The following PLEKHH2 variants were observed in gnomAD, a reference collection of about 807,000 sequenced individuals.
PLEKHH2 encodes pleckstrin homology, MyTH4 and FERM domain containing H2.
A neutral mutation model predicts 187.9 loss-of-function variants in PLEKHH2; 129 were observed. That is an observed-to-expected ratio of 0.69 (90% confidence interval 0.59 to 0.79). PLEKHH2 has a LOEUF of 0.79. PLEKHH2 is among the 30% of genes least tolerant of loss of function. The pLI is 0.00. For missense variants in PLEKHH2, 2,076 were observed against 1,751.2 expected, an observed-to-expected ratio of 1.19 and a Z score of -3.31; for synonymous variants, 686 against 605.6, an observed-to-expected ratio of 1.13 and a Z score of -1.95.
chr2:43,656,537 A>T (rs1211795386), intron 2 of PLEKHH2, among the ~76,000 whole-genome samples: 1 of 122,106 alleles, frequency 8.2e-6, no homozygotes, highest in African/African-American at 3.1e-5. Flanking sequence ...GATCACAGGA[A>T]TAGTCAGAGG....
chr2:43,693,382 C>T (rs976907964), intron 4 of PLEKHH2, among the ~76,000 whole-genome samples: 5 of 152,158 alleles, frequency 3.3e-5, no homozygotes, highest in Non-Finnish European at 7.3e-5. Flanking sequence ...TGATGCCAAT[C>T]CTTCTGCTTA....
At chr2:43,678,752 G>A in intron 2 of PLEKHH2, 111 bp from the exon 3 acceptor site, 1 of 695,206 alleles carries the variant, frequency 1.4e-6, no homozygotes, top group Non-Finnish European at 2.5e-6. Context: ...AGGTGGAGGT[G>A]GAGGTGGAGG....
At chr2:43,682,495 T>C (rs748589455) in intron 3 of PLEKHH2, among the ~76,000 whole-genome samples, 6 of 152,056 alleles carry the variant, frequency 3.9e-5, no homozygotes, top group African/African-American at 1.2e-4. Context: ...TTTAGAGAGA[T>C]GGGGTTTCAC....
At chr2:43,669,557 A>C (rs1211404440) in intron 2 of PLEKHH2, among the ~76,000 whole-genome samples, 1 of 152,260 alleles carries the variant, frequency 6.6e-6, no homozygotes, top group Non-Finnish European at 1.5e-5. Flanking sequence ...AATCATAATT[A>C]GAAAAAAATC....
chr2:43,721,047 T>C (rs1670454520), intron 16 of PLEKHH2, among the ~76,000 whole-genome samples: 1 of 152,162 alleles, frequency 6.6e-6, no homozygotes, highest in Non-Finnish European at 1.5e-5. Context: ...TCCCAGGTTC[T>C]TACAGACCAG....
intron 3 of PLEKHH2, among the ~76,000 whole-genome samples, chr2:43,687,204 A>G (rs1468618913): frequency 6.6e-6 from 1 of 152,050 alleles, no homozygotes; most frequent in Admixed American, 6.6e-5. Context: ...GCCCTTGTGT[A>G]TTTAATGTTT....
intron 17 of PLEKHH2, 113 bp from the exon 18 acceptor site, chr2:43,729,524 T>C (rs1208381791): frequency 8.4e-6 from 5 of 591,942 alleles, no homozygotes; most frequent in African/African-American, 7.6e-5. Flanking sequence ...ATTTAAAAAT[T>C]AAAGCAAGTG....
chr2:43,675,849 T>C, intron 2 of PLEKHH2: 2 of 1,614,066 alleles, frequency 1.2e-6, no homozygotes, highest in Non-Finnish European at 1.7e-6. Context: ...ATGCATCCCT[T>C]GTAAACAAAA....
chr2:43,643,363 C>T (rs142473162), intron 1 of PLEKHH2, among the ~76,000 whole-genome samples: 1 of 151,928 alleles, frequency 6.6e-6, no homozygotes, highest in East Asian at 1.9e-4. Flanking sequence ...CTGGGGTGCA[C>T]TTAATAAATG....
chr2:43,686,948 A>G (rs1668548881), intron 3 of PLEKHH2, among the ~76,000 whole-genome samples: 1 of 149,082 alleles, frequency 6.7e-6, no homozygotes, highest in Non-Finnish European at 1.5e-5. Flanking sequence ...ACAGCCTTAT[A>G]TCTGGCCATG....
At chr2:43,711,905 A>G (rs1669985739) in intron 14 of PLEKHH2, 1 of 1,001,356 alleles carries the variant, frequency 1.0e-6, no homozygotes, top group East Asian at 1.0e-4. Context: ...AAAAAAAAAA[A>G]AAAAGAAAAG....
chr2:43,675,403 A>G (rs1667697199), intron 2 of PLEKHH2: 1 of 1,600,142 alleles, frequency 6.2e-7, no homozygotes, highest in South Asian at 1.1e-5. Context: ...AACTGGAGGC[A>G]AGAAAACGAG....
At chr2:43,694,334 C>A in intron 4 of PLEKHH2, 97 bp from the exon 5 acceptor site, 2 of 1,335,128 alleles carry the variant, frequency 1.5e-6, no homozygotes, top group South Asian at 1.5e-5. Flanking sequence ...AACTTGGAAT[C>A]AAGTTTTAAG....
chr2:43,693,994 G>C (rs1053347412), intron 4 of PLEKHH2, among the ~76,000 whole-genome samples: 1 of 152,002 alleles, frequency 6.6e-6, no homozygotes, highest in African/African-American at 2.4e-5. Context: ...TTTTAAGGCT[G>C]GTAAATGAGA....
intron 8 of PLEKHH2, among the ~76,000 whole-genome samples, chr2:43,701,543 A>G (rs76954420): frequency 9.3e-4 from 141 of 152,194 alleles, no homozygotes; most frequent in African/African-American, 3.2e-3. Context: ...GTTAGTTATA[A>G]GTTTTTGAAC....
At chr2:43,721,456 C>T (rs918703731) in intron 16 of PLEKHH2, among the ~76,000 whole-genome samples, 4 of 152,082 alleles carry the variant, frequency 2.6e-5, no homozygotes, top group African/African-American at 7.2e-5. Context: ...GTCTAGTGAC[C>T]ACATGGGACA....
chr2:43,730,517 G>A (rs1477981987), intron 18 of PLEKHH2, among the ~76,000 whole-genome samples: 1 of 152,164 alleles, frequency 6.6e-6, no homozygotes, highest in Admixed American at 6.5e-5. Context: ...TCCTGCCTCA[G>A]CCTCCTGAGT....
At chr2:43,666,724 A>T (rs1475678682) in intron 2 of PLEKHH2, among the ~76,000 whole-genome samples, 1 of 152,192 alleles carries the variant, frequency 6.6e-6, no homozygotes, top group Non-Finnish European at 1.5e-5. Flanking sequence ...CCATCTTTTT[A>T]CGTATTTAAC....
chr2:43,668,666 T>G (rs1208693153), intron 2 of PLEKHH2, among the ~76,000 whole-genome samples: 2 of 152,320 alleles, frequency 1.3e-5, no homozygotes, highest in East Asian at 3.9e-4. Context: ...AGAGTAGAAC[T>G]ACAGGATCAA....
Sources: gnomAD v4.1 joint callset for allele counts (sites outside exome capture counted in the v4.1 genomes callset) on GRCh38, gnomAD v4.1.1 for gene constraint, MANE v1.5 for transcripts, NCBI Gene and HGNC (gene_info 2026-07-23, HGNC 2026-07-21) for gene names.